The following DNAJB6 variants were observed in gnomAD, a reference collection of about 807,000 sequenced individuals.
DNAJB6 encodes the protein dnaJ homolog subfamily B member 6.
In DNAJB6, 16 loss-of-function variants were observed where a neutral mutation model predicts 42.7. That is an observed-to-expected ratio of 0.37 (90% CI 0.25 to 0.57). The LOEUF (loss-of-function observed/expected upper bound fraction) is 0.57, where lower values mean the gene tolerates loss of function less well. Among genes scored for constraint, DNAJB6 ranks in the 20% least tolerant of loss-of-function variants. The pLI, the probability that DNAJB6 is intolerant of heterozygous loss-of-function variation, is 0.74. For missense variants in DNAJB6, 347 were observed against 416.8 expected (o/e 0.83, Z 1.46); for synonymous variants, 170 against 163.5 (o/e 1.04, Z -0.30).
At chr7:157,401,265 C>T (rs1337994806) in intron 8 of DNAJB6, among the ~76,000 whole-genome samples, 2 of 152,070 alleles carry the variant, frequency 1.3e-5, no homozygotes, top group Admixed American at 6.5e-5. Flanking sequence ...GTTGCCTAGC[C>T]TGGAGTGCGA....
At chr7:157,354,850 C>T (rs1799190711) in intron 1 of DNAJB6, among the ~76,000 whole-genome samples, 1 of 152,138 alleles carries the variant, frequency 6.6e-6, no homozygotes, top group South Asian at 2.1e-4. Context: ...GTGAACATTT[C>T]ACAGGCACCT....
At chr7:157,383,068 C>T (rs939505118) in intron 6 of DNAJB6, among the ~76,000 whole-genome samples, 4 of 152,044 alleles carry the variant, frequency 2.6e-5, no homozygotes, top group African/African-American at 4.8e-5. Context: ...TGTAGTGGCA[C>T]GGTCTCAGCT....
At chr7:157,372,484 T>A in intron 5 of DNAJB6, among the ~76,000 whole-genome samples, 1 of 152,172 alleles carries the variant, frequency 6.6e-6, no homozygotes, top group African/African-American at 2.4e-5. Context: ...GGCACCACCA[T>A]AAAGTGTCAA....
intron 8 of DNAJB6, 77 bp downstream of exon 8, chr7:157,385,688 C>T (rs770951520): frequency 1.9e-6 from 3 of 1,592,354 alleles, no homozygotes; most frequent in Non-Finnish European, 2.6e-6. Context: ...CTATAACAAG[C>T]ACCATTTGAG....
At chr7:157,387,092 A>G (rs571091225) in intron 8 of DNAJB6, among the ~76,000 whole-genome samples, 1 of 152,206 alleles carries the variant, frequency 6.6e-6, no homozygotes. Flanking sequence ...AGCGTGTTCC[A>G]TCCGTGCTGG....
intron 8 of DNAJB6, among the ~76,000 whole-genome samples, chr7:157,394,860 G>C (rs1297376161): frequency 6.6e-6 from 1 of 152,222 alleles, no homozygotes; most frequent in South Asian, 2.1e-4. Context: ...ACTTTGGGAG[G>C]CTGAGCTGCG....
At chr7:157,410,615 G>T (rs1795940846) in intron 9 of DNAJB6, 1 of 155,412 alleles carries the variant, frequency 6.4e-6, no homozygotes, top group African/African-American at 2.4e-5. Context: ...GTGCATGTAG[G>T]CTTGGCCCTG....
At chr7:157,382,039 G>T in intron 5 of DNAJB6, 6 of 454,118 alleles carry the variant, frequency 1.3e-5, no homozygotes, top group Admixed American at 4.2e-5. Flanking sequence ...ACAATGTATT[G>T]TAGTTTTAGT....
intron 8 of DNAJB6, among the ~76,000 whole-genome samples, chr7:157,391,929 C>T (rs1801363340): frequency 6.6e-6 from 1 of 151,730 alleles, no homozygotes; most frequent in African/African-American, 2.4e-5. Flanking sequence ...ATGGTCAAAC[C>T]ACGTCTCTAC....
In DNAJB6 at chr7:157,357,424, G is replaced by T. The variant is rs1056577286; in HGVS notation, c.-26-1123G>T. Among the ~76,000 whole-genome samples, 12 of 150,294 alleles carry T rather than the reference G, an allele frequency of 8.0e-5. No individual in the cohort carries two copies. The Admixed American group carries it at 8.1e-4, about 10-fold the overall frequency. ...CTGCCTCCTGGGTTCAAGCAATTCTGCTTCAGCCTCCCGAGTAGCTGGGAC... is the reference window on the plus strand; with the variant it reads ...CTGCCTCCTGGGTTCAAGCAATTCTTCTTCAGCCTCCCGAGTAGCTGGGAC... On this transcript the variant is annotated intron_variant, in intron 1 of 9. Coordinates refer to ENST00000262177, the MANE Select transcript of DNAJB6 (RefSeq NM_058246.4).
At chr7:157,352,082 A>G (rs1799013675) in intron 1 of DNAJB6, among the ~76,000 whole-genome samples, 1 of 152,000 alleles carries the variant, frequency 6.6e-6, no homozygotes, top group South Asian at 2.1e-4. Flanking sequence ...CTGTATTCCC[A>G]GCACTTTAGG....
At chr7:157,363,385 C>T in intron 3 of DNAJB6, 115 bp downstream of exon 3, 1 of 629,758 alleles carries the variant, frequency 1.6e-6, no homozygotes, top group Non-Finnish European at 2.8e-6. Flanking sequence ...GTTTTTGATG[C>T]CTACTGGATT....
intron 2 of DNAJB6, 138 bp downstream of exon 2, chr7:157,358,775 A>G: frequency 5.8e-6 from 4 of 686,844 alleles, no homozygotes. Context: ...GTTTAATTTG[A>G]CAGAGCAGTT....
At chr7:157,361,599 A>G (rs958774033) in intron 2 of DNAJB6, among the ~76,000 whole-genome samples, 13 of 152,250 alleles carry the variant, frequency 8.5e-5, no homozygotes, top group African/African-American at 2.9e-4. Context: ...GCTTTACAGT[A>G]ATAACTTGCC....
intron 1 of DNAJB6, among the ~76,000 whole-genome samples, chr7:157,356,630 T>C (rs1470616232): frequency 6.6e-6 from 1 of 152,248 alleles, no homozygotes; most frequent in Non-Finnish European, 1.5e-5. Flanking sequence ...TGCAGTGGTA[T>C]ACCCTTAGGC....
intron 8 of DNAJB6, among the ~76,000 whole-genome samples, chr7:157,395,529 C>T (rs911283629): frequency 6.6e-6 from 1 of 151,980 alleles, no homozygotes; most frequent in African/African-American, 2.4e-5. Flanking sequence ...TATGGAAGTC[C>T]CTGATGGGAA....
At chr7:157,343,146 C>T (rs1234855859) in intron 1 of DNAJB6, among the ~76,000 whole-genome samples, 2 of 140,604 alleles carry the variant, frequency 1.4e-5, no homozygotes, top group Non-Finnish European at 3.0e-5. Context: ...CAGATGTGCA[C>T]CACCACACCC....
chr7:157,371,596 T>C (rs969240901), intron 5 of DNAJB6, among the ~76,000 whole-genome samples: 1 of 152,226 alleles, frequency 6.6e-6, no homozygotes, highest in African/African-American at 2.4e-5. Context: ...TGCCTCTGAA[T>C]TGGAGGGGTA....
chr7:157,405,430 G>A (rs147468720), intron 8 of DNAJB6, among the ~76,000 whole-genome samples: 4 of 152,306 alleles, frequency 2.6e-5, no homozygotes, highest in Non-Finnish European at 5.9e-5. Flanking sequence ...TGTGAGGCAT[G>A]TTCTCAGCAT....
Sources: gnomAD v4.1 joint callset for allele counts (sites outside exome capture counted in the v4.1 genomes callset) on GRCh38, gnomAD v4.1.1 for gene constraint, MANE v1.5 for transcripts, NCBI Gene and HGNC (gene_info 2026-07-23, HGNC 2026-07-21) for gene names.